Variants in SLC44A5 observed in about 807,000 individuals in gnomAD.
SLC44A5 encodes the protein solute carrier family 44 member 5.
Under a neutral mutation model 101.8 loss-of-function variants are expected in SLC44A5, and 57 were observed. The ratio of observed to expected loss-of-function variants is 0.56; its 90% confidence interval spans 0.45 to 0.70. SLC44A5 has a LOEUF of 0.70. Among genes scored for constraint, SLC44A5 ranks in the 30% least tolerant of loss-of-function variants. The probability of loss-of-function intolerance (pLI) is 0.00; values close to 1 mark genes in which losing one functional copy is unlikely to be tolerated. For missense variants in SLC44A5, 737 were observed against 853.1 expected, an observed-to-expected ratio of 0.86 and a Z score of 1.70; for synonymous variants, 281 against 290.9, an observed-to-expected ratio of 0.97 and a Z score of 0.35.
chr1:75,659,486 AAGGAAGGC>A, the SLC44A5 span, among the ~76,000 whole-genome samples: 33 of 69,740 alleles, frequency 4.7e-4, no homozygotes, highest in East Asian at 3.7e-3. Context: ...GGAAGGAAGG[AAGGAAGGC>A]AGGCAGGCAG....
At chr1:75,437,184 T>A (rs1664939859) in intron 2 of SLC44A5, among the ~76,000 whole-genome samples, 1 of 152,154 alleles carries the variant, frequency 6.6e-6, no homozygotes, top group Non-Finnish European at 1.5e-5. Flanking sequence ...AGTTACACAG[T>A]CATTTATTAC....
At chr1:75,718,161 A>C in the SLC44A5 span, among the ~76,000 whole-genome samples, 1 of 152,226 alleles carries the variant, frequency 6.6e-6, no homozygotes, top group African/African-American at 2.4e-5. Flanking sequence ...ATTGTATCTG[A>C]CCAGAGCATG....
intron 6 of SLC44A5, among the ~76,000 whole-genome samples, chr1:75,273,900 T>C (rs6669857): frequency 0.01 from 1,587 of 152,246 alleles, 37 homozygotes; most frequent in African/African-American, 0.036. Flanking sequence ...TAGAATGATA[T>C]AGGAGGAGCC....
intron 2 of SLC44A5, among the ~76,000 whole-genome samples, chr1:75,480,130 A>C (rs1294001115): frequency 6.6e-6 from 1 of 152,244 alleles, no homozygotes; most frequent in East Asian, 1.9e-4. Context: ...TCCAGCATAT[A>C]AACAGAACCA....
chr1:75,643,406 G>A, the SLC44A5 span, among the ~76,000 whole-genome samples: 1 of 152,006 alleles, frequency 6.6e-6, no homozygotes, highest in South Asian at 2.1e-4. Context: ...CATAAATATA[G>A]AATATAAAAA....
At chr1:75,692,680 C>T in the SLC44A5 span, among the ~76,000 whole-genome samples, 1 of 151,824 alleles carries the variant, frequency 6.6e-6, no homozygotes, top group Non-Finnish European at 1.5e-5. Context: ...GGTATTAGAA[C>T]ATTATTATCT....
intron 2 of SLC44A5, among the ~76,000 whole-genome samples, chr1:75,464,809 G>A (rs1666724003): frequency 1.3e-5 from 2 of 152,108 alleles, no homozygotes; most frequent in Non-Finnish European, 1.5e-5. Context: ...TGATAAAGGA[G>A]TCAATTCAGC....
Position 75,444,437 on chromosome 1 carries a change from GAGAA to G in SLC44A5, c.14-47820_14-47817del, listed in dbSNP as rs1352007326. ...AAAGAGAGAGAGAGAAAGAAAGACA[GAGAA>G]AGAAAGAAAGAAAGAAAAAGAAAAA... On this transcript the variant is annotated intron_variant, in intron 2 of 23. Transcript: ENST00000370859. 3.3e-3 allele frequency among the ~76,000 whole-genome samples: 400 copies of G among 120,768 alleles called. 1 individual carries two copies. The highest frequency in any genetic ancestry group is 7.1e-3 in the African/African-American group (222 of 31,294). The allele number at this position is 120,768 out of a possible 152,430, so 79.2% of individuals were successfully genotyped here.
In SLC44A5 at chr1:75,284,763, T is replaced by G. The variant is rs369066909; in HGVS notation, c.176-9721A>C. On this transcript the variant is annotated intron_variant, in intron 5 of 23. Coordinates refer to ENST00000370859, the MANE Select transcript of SLC44A5 (RefSeq NM_001130058.2). ...AATGCTTTTCCTGTGTCTATTGAGA[T>G]GATCATACAATTTTTGTTTTTAAAT... Among the ~76,000 whole-genome samples, 13 of 152,272 alleles carry G rather than the reference T, an allele frequency of 8.5e-5. No individual in the cohort carries two copies. In the East Asian group the frequency reaches 2.1e-3, roughly 25 times the overall value.
intron 2 of SLC44A5, among the ~76,000 whole-genome samples, chr1:75,531,583 G>A (rs1250155288): frequency 6.6e-6 from 1 of 152,134 alleles, no homozygotes; most frequent in East Asian, 1.9e-4. Context: ...CTGAGAGTTG[G>A]GGTTTCTAAC....
chr1:75,522,363 A>C (rs1373825054), intron 2 of SLC44A5: 1 of 151,872 alleles, frequency 6.6e-6, no homozygotes, highest in Non-Finnish European at 1.5e-5. Context: ...TTTTTAAAAA[A>C]AAAAAAAGAA....
chr1:75,207,228 A>G (rs1557520151), intron 23 of SLC44A5, among the ~76,000 whole-genome samples: 1 of 152,152 alleles, frequency 6.6e-6, no homozygotes, highest in Non-Finnish European at 1.5e-5. Flanking sequence ...GCTCTGAGGT[A>G]AATAGGATGA....
chr1:75,633,487 G>T, the SLC44A5 span, among the ~76,000 whole-genome samples: 1 of 152,098 alleles, frequency 6.6e-6, no homozygotes, highest in Non-Finnish European at 1.5e-5. Context: ...AAGCAATTGC[G>T]AATGGGAGTT....
chr1:75,451,492 C>CA (rs944653293), intron 2 of SLC44A5, among the ~76,000 whole-genome samples: 1 of 151,188 alleles, frequency 6.6e-6, no homozygotes, highest in Non-Finnish European at 1.5e-5. Context: ...GGAAAATGAA[C>CA]AAAAAAATAA....
At chr1:75,383,847 C>T (rs528306740) in intron 3 of SLC44A5, among the ~76,000 whole-genome samples, 2 of 152,068 alleles carry the variant, frequency 1.3e-5, no homozygotes, top group Non-Finnish European at 2.9e-5. Context: ...ATCAGACTAA[C>T]AGCAGATCTC....
At chr1:75,259,008 A>C (rs947301000) in intron 6 of SLC44A5, among the ~76,000 whole-genome samples, 1 of 152,184 alleles carries the variant, frequency 6.6e-6, no homozygotes, top group Non-Finnish European at 1.5e-5. Flanking sequence ...ATCTACTCAG[A>C]GACCCCAGCC....
At chr1:75,719,146 G>A in the SLC44A5 span, among the ~76,000 whole-genome samples, 1 of 151,986 alleles carries the variant, frequency 6.6e-6, no homozygotes, top group African/African-American at 2.4e-5. Context: ...CCTGACCCGT[G>A]GTAAGTAATG....
At chr1:75,698,893 C>G in the SLC44A5 span, among the ~76,000 whole-genome samples, 1 of 152,000 alleles carries the variant, frequency 6.6e-6, no homozygotes, top group Non-Finnish European at 1.5e-5. Flanking sequence ...AACTGGAAGA[C>G]AGGGTATCAG....
chr1:75,569,038 C>T, intron 1 of SLC44A5, among the ~76,000 whole-genome samples: 1 of 152,068 alleles, frequency 6.6e-6, no homozygotes, highest in East Asian at 1.9e-4. Flanking sequence ...CTGAGTGAAC[C>T]ATTCCTCTTC....
Sources: allele counts gnomAD v4.1 joint callset (sites outside exome capture counted in the v4.1 genomes callset), GRCh38; gene constraint gnomAD v4.1.1; transcripts MANE v1.5; gene names NCBI Gene and HGNC (gene_info 2026-07-23, HGNC 2026-07-21).